TTC7A: variants seen among roughly 807,000 people sequenced by gnomAD.
TTC7A encodes tetratricopeptide repeat domain 7A.
A neutral mutation model predicts 103.7 loss-of-function variants in TTC7A; 110 were observed. The observed-to-expected ratio is 1.06, with a 90% CI of 0.91 to 1.24. TTC7A has a LOEUF of 1.24. Among genes scored for constraint, TTC7A ranks in the 50% most tolerant of loss-of-function variants. The pLI is 0.00. For synonymous variants in TTC7A, 521 were observed against 467.9 expected, an observed-to-expected ratio of 1.11 and a Z score of -1.47; for missense variants, 1,340 against 1,116.3, an observed-to-expected ratio of 1.20 and a Z score of -2.86.
intron 10 of TTC7A, among the ~76,000 whole-genome samples, chr2:47,008,053 G>C (rs757802102): frequency 6.6e-6 from 1 of 152,210 alleles, no homozygotes; most frequent in Non-Finnish European, 1.5e-5. Context: ...TGAAGGCACC[G>C]GTCAGCCTGG....
chr2:47,047,031 C>G, intron 16 of TTC7A: 2 of 462,044 alleles, frequency 4.3e-6, no homozygotes, highest in South Asian at 7.5e-5. Flanking sequence ...GGACCTGGGT[C>G]TTTCATGGGC....
chr2:47,053,156 G>T (rs541247359), intron 18 of TTC7A, among the ~76,000 whole-genome samples: 3 of 152,046 alleles, frequency 2.0e-5, no homozygotes, highest in African/African-American at 7.2e-5. Context: ...GCATCTCGGG[G>T]TCCCTTCGGA....
chr2:47,065,923 G>A (rs1684144649), intron 19 of TTC7A: 1 of 152,252 alleles, frequency 6.6e-6, no homozygotes, highest in Non-Finnish European at 1.5e-5. Context: ...GAGAGGAGGA[G>A]TTTCCTGGTC....
At chr2:46,952,588 A>G (rs2103983101) in intron 2 of TTC7A, among the ~76,000 whole-genome samples, 1 of 152,290 alleles carries the variant, frequency 6.6e-6, no homozygotes, top group East Asian at 1.9e-4. Flanking sequence ...CCATCTCTAC[A>G]GAAAATTTTT....
rs1218773731 is a variant in TTC7A, at chr2:46,934,715, G to A, written c.83-15648G>A. ...CAAAAACAAACAAACAAAAAAACCC[G>A]CACTTCAAAACCATCACTTTTGCCC... On this transcript the variant is annotated intron_variant, in intron 2 of 20. Coordinates refer to the TTC7A transcript ENST00000409245. Among the ~76,000 whole-genome samples the A allele has an allele frequency of 4.9e-5, 7 of 141,568 alleles. No individual in the cohort carries two copies. In the South Asian group the frequency reaches 9.4e-4, roughly 19 times the overall value. The allele number at this position is 141,568 out of a possible 152,430, so 92.9% of individuals were successfully genotyped here. A position where few individuals can be genotyped will look rare whatever the true frequency, so the allele number is the denominator to read the frequency against.
intron 3 of TTC7A, 142 bp from the exon 4 acceptor site, chr2:46,974,831 C>A: frequency 1.7e-6 from 2 of 1,203,024 alleles, no homozygotes; most frequent in Non-Finnish European, 1.2e-6. Context: ...AGCTTCCTCC[C>A]TCCCCTCCGC....
chr2:47,025,680 C>T (rs1211115419), intron 14 of TTC7A, among the ~76,000 whole-genome samples: 1 of 152,202 alleles, frequency 6.6e-6, no homozygotes, highest in African/African-American at 2.4e-5. Context: ...ACCATTTTCT[C>T]CCCAACGGCC....
At position 47,051,919 on chromosome 2, in the gene TTC7A, G is replaced by A. The variant is rs201094969; in HGVS notation, c.2152+39G>A. 4 of 1,576,314 alleles carry A rather than the reference G, an allele frequency of 2.5e-6. No homozygotes were observed. The Admixed American group carries it at 7.1e-5, about 28-fold the overall frequency. On this transcript the variant is annotated intron_variant, in intron 18 of 19. Coordinates refer to ENST00000319190, the MANE Select transcript of TTC7A (RefSeq NM_020458.4). Reference sequence around the variant, plus strand: ...TCCCAGTGACACACACAGCCTGTCTGCAGGCCACCCATGCTCTCAGAGCCC... The same window carrying A: ...TCCCAGTGACACACACAGCCTGTCTACAGGCCACCCATGCTCTCAGAGCCC...
chr2:47,006,608 G>A, intron 9 of TTC7A, 33 bp from the exon 10 acceptor site: 1 of 1,586,894 alleles, frequency 6.3e-7, no homozygotes, highest in Non-Finnish European at 8.7e-7. Flanking sequence ...GAGGACCCCT[G>A]GTGGGTAAAT....
chr2:46,958,676 C>T (rs11688685), intron 3 of TTC7A: 12 of 603,976 alleles, frequency 2.0e-5, no homozygotes, highest in Admixed American at 1.0e-4. Flanking sequence ...CCTCCCTGTC[C>T]TGCTGCAGTG....
At chr2:46,974,846 C>A in intron 3 of TTC7A, 127 bp from the exon 4 acceptor site, 1 of 1,353,570 alleles carries the variant, frequency 7.4e-7, no homozygotes, top group Non-Finnish European at 1.0e-6. Context: ...CTCCGCAGAC[C>A]TCCGCCTCCT....
intron 3 of TTC7A, among the ~76,000 whole-genome samples, chr2:46,970,153 C>T (rs996729294): frequency 2.6e-5 from 4 of 152,178 alleles, no homozygotes; most frequent in Admixed American, 2.6e-4. Flanking sequence ...CCAAGCCCAG[C>T]TAATTTTTTC....
At position 46,956,716 on chromosome 2, in the gene TTC7A, C is replaced by G. The variant is rs115389383; in HGVS notation, c.349-123C>G. ...GCATGTGCTTGAGCATCAAAGAAGG[C>G]TTTCTGGAGGAGGAGGGGAGTTCTG... On this transcript the variant is annotated intron_variant, in intron 2 of 19. Coordinates refer to ENST00000319190, the MANE Select transcript of TTC7A (RefSeq NM_020458.4). 4.6e-4 allele frequency: 455 copies of G among 997,954 alleles called. 2 individuals carry two copies. The African/African-American group carries it at 5.8e-3, about 13-fold the overall frequency. The allele number at this position is 997,954 out of a possible 1,614,324, so 61.8% of individuals were successfully genotyped here.
chr2:46,967,762 T>C (rs1158984919), intron 3 of TTC7A, among the ~76,000 whole-genome samples: 3 of 152,198 alleles, frequency 2.0e-5, no homozygotes, highest in Non-Finnish European at 4.4e-5. Context: ...TTTCTATTCT[T>C]TTGGGTATAT....
intron 10 of TTC7A, among the ~76,000 whole-genome samples, chr2:47,008,357 C>G (rs1009656276): frequency 3.3e-5 from 5 of 152,192 alleles, no homozygotes; most frequent in African/African-American, 9.7e-5. Flanking sequence ...TAGACGCTCT[C>G]CAGGCTCAGT....
chr2:47,059,380 T>A (rs1188946029), intron 18 of TTC7A, among the ~76,000 whole-genome samples: 1 of 152,036 alleles, frequency 6.6e-6, no homozygotes, highest in African/African-American at 2.4e-5. Flanking sequence ...GCTGTCAGGA[T>A]TAATGAGAAA....
intron 15 of TTC7A, among the ~76,000 whole-genome samples, chr2:47,029,762 G>GC (rs2104594356): frequency 6.6e-6 from 1 of 152,374 alleles, no homozygotes; most frequent in South Asian, 2.1e-4. Flanking sequence ...GACACAGTCA[G>GC]CCAAGGATGG....
rs151161224 is a variant in TTC7A at position 46,949,364 on chromosome 2, C to G, written c.185-999C>G. The stretch of plus-strand genomic sequence containing the variant: ...AGTTCTGCCTCAGCTTCCCGAGTAG[C>G]TGGGATTACAGGTGCCCATCATCAT... On this transcript the variant is annotated intron_variant, in intron 1 of 19. Transcript: ENST00000319190. 7.2e-5 allele frequency among the ~76,000 whole-genome samples: 11 copies of G among 152,272 alleles called. No individual in the cohort carries two copies. The East Asian group carries it at 1.7e-3, about 24-fold the overall frequency.
intron 1 of TTC7A, among the ~76,000 whole-genome samples, chr2:46,949,503 G>C (rs1024788044): frequency 1.3e-5 from 2 of 152,132 alleles, no homozygotes; most frequent in Non-Finnish European, 2.9e-5. Flanking sequence ...AAAGTGCTGG[G>C]ATTACAGGTG....
Sources: allele counts gnomAD v4.1 joint callset (sites outside exome capture counted in the v4.1 genomes callset), GRCh38; gene constraint gnomAD v4.1.1; transcripts MANE v1.5; gene names NCBI Gene and HGNC (gene_info 2026-07-23, HGNC 2026-07-21).